The following C19orf47 variants were observed in gnomAD, a reference collection of about 807,000 sequenced individuals.
C19orf47 encodes chromosome 19 open reading frame 47, also known as uncharacterized protein C19orf47.
A neutral mutation model predicts 32.3 loss-of-function variants in C19orf47; 18 were observed. That is an observed-to-expected ratio of 0.56 (90% CI 0.39 to 0.83). C19orf47 has a LOEUF of 0.83. Among genes scored for constraint, C19orf47 ranks in the 40% least tolerant of loss-of-function variants. C19orf47 has a pLI of 0.00. For missense variants in C19orf47, 484 were observed against 531.6 expected (o/e 0.91, Z 0.88); for synonymous variants, 202 against 211.1 (o/e 0.96, Z 0.37).
chr19:40,296,100 G>A, the C19orf47 span, among the ~76,000 whole-genome samples: 1 of 152,092 alleles, frequency 6.6e-6, no homozygotes, highest in Non-Finnish European at 1.5e-5. Flanking sequence ...AATATGTTCT[G>A]AGAAATTCCT....
intron 3 of C19orf47, 36 bp from the exon 4 acceptor site, chr19:40,336,260 G>A: frequency 6.2e-7 from 1 of 1,613,624 alleles, no homozygotes; most frequent in Non-Finnish European, 8.5e-7. Flanking sequence ...CCCCAGGTGG[G>A]CCAGAGTGGG....
At chr19:40,301,615 C>G in the C19orf47 span, among the ~76,000 whole-genome samples, 1 of 151,770 alleles carries the variant, frequency 6.6e-6, no homozygotes, top group East Asian at 2.0e-4. Context: ...GCTGGGATTG[C>G]AGGTGCGAGC....
chr19:40,345,216 C>T (rs187463035), intron 1 of C19orf47, among the ~76,000 whole-genome samples: 43 of 152,166 alleles, frequency 2.8e-4, no homozygotes, highest in Admixed American at 8.5e-4. Flanking sequence ...ACTGACTTTC[C>T]GAATAGTGAA....
the C19orf47 span, among the ~76,000 whole-genome samples, chr19:40,293,949 G>A: frequency 1.3e-5 from 2 of 151,808 alleles, no homozygotes; most frequent in Non-Finnish European, 2.9e-5. Flanking sequence ...GTAAAACCCC[G>A]TCTCTATTAA....
the C19orf47 span, among the ~76,000 whole-genome samples, chr19:40,312,827 G>A: frequency 6.6e-6 from 1 of 152,164 alleles, no homozygotes; most frequent in Non-Finnish European, 1.5e-5. Context: ...CAACCCCTGG[G>A]ACTATAAGAG....
the C19orf47 span, among the ~76,000 whole-genome samples, chr19:40,304,859 T>C: frequency 9.9e-5 from 15 of 152,190 alleles, no homozygotes; most frequent in African/African-American, 3.6e-4. Flanking sequence ...AAATATTTGT[T>C]TACCAAATGC....
At chr19:40,307,197 G>C in the C19orf47 span, among the ~76,000 whole-genome samples, 2,683 of 146,892 alleles carry the variant, frequency 0.018, 84 homozygotes, top group African/African-American at 0.064. Context: ...CCCGGTTCAA[G>C]TGATTCTTGT....
chr19:40,336,622 A>G (rs3745195), intron 2 of C19orf47, among the ~76,000 whole-genome samples: 59,945 of 151,996 alleles, frequency 0.39, 13,048 homozygotes, highest in South Asian at 0.61. Flanking sequence ...GGAAAATGAG[A>G]TAGGGAAAGG....
chr19:40,307,123 A>T, the C19orf47 span, among the ~76,000 whole-genome samples: 22 of 107,274 alleles, frequency 2.1e-4, no homozygotes, highest in African/African-American at 7.7e-4. Flanking sequence ...TTTGAGACGA[A>T]GTCCTGCTCT....
intron 6 of C19orf47, among the ~76,000 whole-genome samples, 182 bp downstream of exon 6, chr19:40,328,231 A>C (rs999841327): frequency 6.6e-6 from 1 of 152,142 alleles, no homozygotes; most frequent in Non-Finnish European, 1.5e-5. Context: ...ACAGATGAAG[A>C]AAGTGAGGCC....
intron 1 of C19orf47, chr19:40,342,124 C>A: frequency 1.1e-6 from 1 of 887,086 alleles, no homozygotes; most frequent in Non-Finnish European, 1.4e-6. Context: ...GCTCCATTCA[C>A]ACACACCCCA....
chr19:40,342,070 TC>T, intron 1 of C19orf47, 180 bp from the exon 2 acceptor site: 1 of 985,338 alleles, frequency 1.0e-6, no homozygotes, highest in Non-Finnish European at 1.2e-6. Flanking sequence ...ACCACCATCA[TC>T]GCTTGTGCCT....
At chr19:40,339,226 C>T (rs1050027689) in intron 2 of C19orf47, 1 of 152,522 alleles carries the variant, frequency 6.6e-6, no homozygotes, top group East Asian at 1.9e-4. Flanking sequence ...TGAAAGAGTC[C>T]CCACATTAAG....
chr19:40,301,916 T>C, the C19orf47 span, among the ~76,000 whole-genome samples: 12 of 151,418 alleles, frequency 7.9e-5, no homozygotes, highest in African/African-American at 1.9e-4. Flanking sequence ...TCCGAGCACT[T>C]TGGAAGGCCG....
chr19:40,312,826 G>GACTTAA, the C19orf47 span, among the ~76,000 whole-genome samples: 1 of 152,086 alleles, frequency 6.6e-6, no homozygotes, highest in African/African-American at 2.4e-5. Context: ...TCAACCCCTG[G>GACTTAA]GACTATAAGA....
Position 40,322,210 on chromosome 19 carries a change from T to C in C19orf47, c.830A>G (p.Lys277Arg). 6.2e-7 allele frequency: 1 copy of C among 1,610,866 alleles called. No individual in the cohort carries two copies. Among genetic ancestry groups the C allele is most frequent in the Non-Finnish European group, 8.5e-7 (1 of 1,179,966 alleles). The change falls in exon 9 of 9, where the codon AAA (lysine) becomes AGA (arginine). Residue 277 changes from lysine (K) to arginine (R), a missense_variant. By Grantham distance (26) the Lys-to-Arg change is conservative. This residue lies in a region of C19orf47 where 376 missense variants were observed against 370.2 expected (regional missense o/e 1.02). Transcript: ENST00000683109. ...KASPQPALTV[K>R]AKATSSATTA... is the part of the protein sequence containing the mutation. ...TGTCGCTGAGCTTGTGGCCTTGGCT[T>C]TGACAGTCAGTGCTGGCTGGGGACT...
chr19:40,302,342 G>A, the C19orf47 span, among the ~76,000 whole-genome samples: 2 of 152,104 alleles, frequency 1.3e-5, no homozygotes, highest in Non-Finnish European at 2.9e-5. Context: ...ACGGCTCACT[G>A]CAGCCTCCAC....
intron 1 of C19orf47, 21 bp downstream of exon 1, chr19:40,348,303 C>T: frequency 7.5e-7 from 1 of 1,332,870 alleles, no homozygotes; most frequent in African/African-American, 1.5e-5. Context: ...CCAGTCCCAC[C>T]ACCCCCGGCC....
At chr19:40,339,526 A>T (rs2078134764) in intron 2 of C19orf47, among the ~76,000 whole-genome samples, 1 of 152,218 alleles carries the variant, frequency 6.6e-6, no homozygotes, top group African/African-American at 2.4e-5. Context: ...ACTATACAGC[A>T]GTGAAAAGAA....
Sources: gnomAD v4.1 joint callset for allele counts (sites outside exome capture counted in the v4.1 genomes callset) on GRCh38, gnomAD v4.1.1 for gene constraint, gnomAD v4.1.1 regional missense constraint, MANE v1.5 for transcripts, NCBI Gene and HGNC (gene_info 2026-07-23, HGNC 2026-07-21) for gene names.